Variants in DCLRE1B observed in about 807,000 individuals in gnomAD.
DCLRE1B encodes the protein 5' exonuclease Apollo.
DCLRE1B carries 6 observed loss-of-function variants against 19.8 expected under a neutral mutation model. The ratio of observed to expected loss-of-function variants is 0.30; its 90% CI spans 0.17 to 0.60. The LOEUF (loss-of-function observed/expected upper bound fraction) is 0.60. DCLRE1B is among the 20% of genes least tolerant of loss of function. The pLI is 0.87. For synonymous variants in DCLRE1B, 258 were observed against 255.7 expected (o/e 1.01, Z -0.09); for missense variants, 622 against 654.2 (o/e 0.95, Z 0.54).
At position 113,905,761 on chromosome 1, in the gene DCLRE1B, C is replaced by T. The variant is rs1390723639; in HGVS notation, c.175C>T (p.His59Tyr). Residue 59 changes from histidine (H) to tyrosine (Y), a missense_variant, in exon 1 of 4, where the codon CAT becomes TAT. Physicochemically the swap from His to Tyr is moderately conservative, Grantham distance 83. Transcript: ENST00000650450. ...CTCCCCAATTACAGCCCACCTCTTG[C>T]ATCGTCACCTACAGGTATGGGGCTG... is the stretch of plus-strand genomic sequence containing the variant. ...YCSPITAHLL[H>Y]RHLQVSKQWI... is the part of the protein sequence containing the mutation. The T allele has an allele frequency of 1.2e-6, 2 of 1,613,488 alleles. No individual in the cohort carries two copies. Among genetic ancestry groups the T allele is most frequent in the Non-Finnish European group, 1.7e-6 (2 of 1,179,678 alleles).
intron 2 of DCLRE1B, 41 bp downstream of exon 2, chr1:113,907,202 ATGTTT>A: frequency 2.8e-4 from 56 of 203,142 alleles, no homozygotes; most frequent in African/African-American, 3.1e-4. Flanking sequence ...TCCAGACTAG[ATGTTT>A]TTTTTTTTTT....
Position 113,911,589 on chromosome 1 carries a change from AAACC to A in DCLRE1B, c.1000_1003del (p.Pro334AlafsTer6), listed in dbSNP as rs1159051438. ...GCAATACATGAGTTCTTCCTCTAGA[AAACC>A]AAGCCTTCTCTGGCTGTTAGAAAGG... On this transcript the variant is annotated frameshift_variant, in exon 4 of 4. Coordinates refer to ENST00000650450, the MANE Select transcript of DCLRE1B (RefSeq NM_022836.4). LOFTEE classifies it low-confidence loss of function (END_TRUNC). 6.3e-7 allele frequency: 1 copy of A among 1,597,554 alleles called. No homozygotes were observed. The highest frequency in any genetic ancestry group is 8.5e-7 in the Non-Finnish European group (1 of 1,171,890).
chr1:113,911,841 G>T lies in DCLRE1B; in HGVS notation c.1249G>T (p.Glu417Ter). The change falls in exon 4 of 4, where the codon GAG (glutamate) becomes TAG (stop). Residue 417 changes from glutamate (E) to a stop codon, truncating the protein, a stop_gained. Transcript: ENST00000650450. LOFTEE classifies it low-confidence loss of function (END_TRUNC). Reference protein sequence around the residue: ...KEWNKAVPFCESQKRVTMLTA... With the variant: ...KEWNKAVPFC Reference sequence around the variant, plus strand: ...ATGGAACAAGGCAGTGCCTTTCTGTGAGTCTCAAAAGAGGGTGACTATGTT... The same window carrying T: ...ATGGAACAAGGCAGTGCCTTTCTGTTAGTCTCAAAAGAGGGTGACTATGTT... 6.2e-7 allele frequency: 1 copy of T among 1,614,224 alleles called. No individual in the cohort carries two copies. The highest frequency in any genetic ancestry group is 8.5e-7 in the Non-Finnish European group (1 of 1,180,040).
chr1:113,912,015 G>A lies in DCLRE1B; in HGVS notation c.1423G>A (p.Ala475Thr), dbSNP rs1558110611. The change falls in exon 4 of 4, where the codon GCC becomes ACC. Residue 475 changes from alanine to threonine, a missense_variant. Around this residue, in one of 3 missense-constraint regions of DCLRE1B, gnomAD observed 382 missense variants for 412.5 expected, o/e 0.93. Transcript: ENST00000650450. The stretch of plus-strand genomic sequence containing the variant: ...TCCAGAAGCCACAGGGAATCAGAGT[G>A]CCTGGATGGGCCATGGTTCTCCCCT... ...GGPEATGNQS[A>T]WMGHGSPLSH... 4 of 1,614,200 alleles carry A rather than the reference G, an allele frequency of 2.5e-6. No individual in the cohort carries two copies. Among genetic ancestry groups the A allele is most frequent in the Admixed American group, 1.7e-5 (1 of 60,032 alleles).
Position 113,912,161 on chromosome 1 carries a change from G to A in DCLRE1B, c.1569G>A (p.Gln523=), listed in dbSNP as rs771979104. ...QAGYSSRRFD[Q]QVEKYHKPC Reference sequence around the variant, plus strand: ...GGTATTCTTCCAGGAGATTTGACCAGCAAGTGGAAAAATACCATAAACCCT... The same window carrying A: ...GGTATTCTTCCAGGAGATTTGACCAACAAGTGGAAAAATACCATAAACCCT... The change falls in exon 4 of 4, where the codon CAG becomes CAA. Residue 523 remains glutamine, a synonymous_variant. Transcript: ENST00000650450. 6.2e-7 allele frequency: 1 copy of A among 1,613,608 alleles called. No individual in the cohort carries two copies. Among genetic ancestry groups the A allele is most frequent in the Non-Finnish European group, 8.5e-7 (1 of 1,179,838 alleles).
At chr1:113,907,299 C>T (rs1669070872) in intron 2 of DCLRE1B, 138 bp downstream of exon 2, 1 of 778,422 alleles carries the variant, frequency 1.3e-6, no homozygotes, top group African/African-American at 2.0e-5. Flanking sequence ...CTCAAGCAAT[C>T]CTCCCGCTTC....
At chr1:113,906,211 C>T (rs1668949828) in intron 1 of DCLRE1B, among the ~76,000 whole-genome samples, 1 of 151,818 alleles carries the variant, frequency 6.6e-6, no homozygotes, top group African/African-American at 2.4e-5. Flanking sequence ...CGCACGCCAC[C>T]ACGCCCAGCT....
rs1352620241 is a variant in DCLRE1B, at chr1:113,912,376, CCTT to C, written c.*189_*191del. On this transcript the variant is annotated 3_prime_UTR_variant, in exon 4 of 4. Transcript: ENST00000650450. ...ACTGGGGTCCTCGTGCCTATGGAAT[CCTT>C]CTTTTTATAACTAAGTTTAAGAAAT... 2.7e-5 allele frequency: 14 copies of C among 513,574 alleles called. No individual in the cohort carries two copies. The highest frequency in any genetic ancestry group is 5.1e-4 in the Middle Eastern group (1 of 1,962). The allele number at this position is 513,574 out of a possible 1,614,324, so 31.8% of individuals were successfully genotyped here. A position where few individuals can be genotyped will look rare whatever the true frequency, so the allele number is the denominator to read the frequency against.
Position 113,909,827 on chromosome 1 carries a change from C to A in DCLRE1B, c.539-1304C>A, listed in dbSNP as rs914466979. Among the ~76,000 whole-genome samples the A allele has an allele frequency of 8.7e-4, 132 of 152,128 alleles. 1 individual carries two copies. The highest frequency in any genetic ancestry group is 3.0e-3 in the African/African-American group (124 of 41,512). ...GGCTCACAGTCTGGTAGGGAAGGACCTGTGGGGAGGTGGAAGTGGGAATAT... is the reference window on the plus strand; with the variant it reads ...GGCTCACAGTCTGGTAGGGAAGGACATGTGGGGAGGTGGAAGTGGGAATAT... On this transcript the variant is annotated intron_variant, in intron 3 of 3. Transcript: ENST00000650450.
rs1669097974 is a variant in DCLRE1B at position 113,907,891 on chromosome 1, A to G, written c.356-118A>G. 9 of 1,101,836 alleles carry G rather than the reference A, an allele frequency of 8.2e-6. No homozygotes were observed. In the Admixed American group the frequency reaches 1.4e-4, roughly 18 times the overall value. 68.3% of individuals were successfully genotyped at this position (1,101,836 alleles called of 1,614,324 possible). ...ATACTGCCTAGTTCAGTGCCAGGCTACATAATAGTTTTTTCACAGACTAGT... is the reference window on the plus strand; with the variant it reads ...ATACTGCCTAGTTCAGTGCCAGGCTGCATAATAGTTTTTTCACAGACTAGT... On this transcript the variant is annotated intron_variant, in intron 2 of 3. Coordinates refer to ENST00000650450, the MANE Select transcript of DCLRE1B (RefSeq NM_022836.4).
chr1:113,909,236 T>C (rs1332221355), intron 3 of DCLRE1B, among the ~76,000 whole-genome samples: 1 of 152,222 alleles, frequency 6.6e-6, no homozygotes, highest in East Asian at 1.9e-4. Flanking sequence ...AAGTGAGCGT[T>C]GTGCTTTAAA....
intron 1 of DCLRE1B, 142 bp downstream of exon 1, chr1:113,905,917 G>A (rs1375366279): frequency 1.1e-6 from 1 of 929,524 alleles, no homozygotes; most frequent in Non-Finnish European, 1.6e-6. Flanking sequence ...CTTTAACCCA[G>A]AATAGGAACG....
At position 113,907,265 on chromosome 1, in the gene DCLRE1B, C is replaced by T. The variant is rs142647575; in HGVS notation, c.355+104C>T. ...ATAGACTGGGGCCTCGCAGTGTTGC[C>T]GAGGCTGGTCTCAAACTCCTGACCT... On this transcript the variant is annotated intron_variant, in intron 2 of 3. Transcript: ENST00000650450. 0.025 allele frequency: 26,573 copies of T among 1,067,590 alleles called. 628 individuals carry two copies. Among genetic ancestry groups the T allele is most frequent in the Middle Eastern group, 0.039 (118 of 2,992 alleles). The allele number at this position is 1,067,590 out of a possible 1,614,324, so 66.1% of individuals were successfully genotyped here.
Position 113,913,963 on chromosome 1 carries a change from C to A in DCLRE1B, c.*1772C>A, listed in dbSNP as rs1049704513. ...ACTTATTAGATATTGTTCAAAAATG[C>A]CATTTTTAATATTTGTATAATACCC... On this transcript the variant is annotated 3_prime_UTR_variant, in exon 4 of 4. Transcript: ENST00000650450. The A allele has an allele frequency of 7.9e-5, 12 of 152,040 alleles. No homozygotes were observed. Among genetic ancestry groups the A allele is most frequent in the African/African-American group, 1.9e-4 (8 of 41,406 alleles). 9.4% of individuals were successfully genotyped at this position (152,040 alleles called of 1,614,324 possible). A position where few individuals can be genotyped will look rare whatever the true frequency, so the allele number is the denominator to read the frequency against.
chr1:113,911,093 C>T, intron 3 of DCLRE1B, 38 bp from the exon 4 acceptor site: 18 of 1,524,532 alleles, frequency 1.2e-5, no homozygotes, highest in South Asian at 5.0e-5. Context: ...AATTTTCTTC[C>T]TTCTCTTACT....
At position 113,905,772 on chromosome 1, in the gene DCLRE1B, A is replaced by G. The variant is rs1411115471; in HGVS notation, c.186A>G (p.Leu62=). 6.2e-7 allele frequency: 1 copy of G among 1,612,528 alleles called. No homozygotes were observed. The highest frequency in any genetic ancestry group is 8.5e-7 in the Non-Finnish European group (1 of 1,179,062). ...CAGCCCACCTCTTGCATCGTCACCT[A>G]CAGGTATGGGGCTGGAGTCGGTCTC... ...PITAHLLHRH[L]QVSKQWIQAL... is the part of the protein sequence containing the mutation. The change falls in exon 1 of 4, where the codon CTA becomes CTG. Residue 62 remains leucine (L), a synonymous_variant. Transcript: ENST00000650450.
Position 113,911,907 on chromosome 1 carries a change from G to T in DCLRE1B, c.1315G>T (p.Asp439Tyr). 1 of 1,614,228 alleles carries T rather than the reference G, an allele frequency of 6.2e-7. No individual in the cohort carries two copies. The highest frequency in any genetic ancestry group is 8.5e-7 in the Non-Finnish European group (1 of 1,180,046). ...LGFSVHLRST[D>Y]EEFISQKTRE... ...ATTTTCAGTGCACTTAAGGTCTACA[G>T]ATGAGGAGTTTATTTCTCAAAAAAC... is the stretch of plus-strand genomic sequence containing the variant. Residue 439 changes from aspartate to tyrosine, a missense_variant, in exon 4 of 4, where the codon GAT becomes TAT. Physicochemically the swap from Asp to Tyr is radical, Grantham distance 160. Around this residue, in one of 3 missense-constraint regions of DCLRE1B, gnomAD observed 382 missense variants for 412.5 expected, o/e 0.93. Coordinates refer to ENST00000650450, the MANE Select transcript of DCLRE1B (RefSeq NM_022836.4).
rs1369195833 is a variant in DCLRE1B at position 113,912,850 on chromosome 1, A to G, written c.*659A>G. On this transcript the variant is annotated 3_prime_UTR_variant, in exon 4 of 4. Transcript: ENST00000650450. Reference sequence around the variant, plus strand: ...CCTTCATGAGGATGTGCAGTATCCCAGTATCACTGGGATCCATGTGGAACA... The same window carrying G: ...CCTTCATGAGGATGTGCAGTATCCCGGTATCACTGGGATCCATGTGGAACA... The G allele has an allele frequency of 6.6e-6, 1 of 152,386 alleles. No homozygotes were observed. The highest frequency in any genetic ancestry group is 1.5e-5 in the Non-Finnish European group (1 of 68,084). 9.4% of individuals were successfully genotyped at this position (152,386 alleles called of 1,614,324 possible).
At position 113,908,208 on chromosome 1, in the gene DCLRE1B, C is replaced by T. The variant is rs371162618; in HGVS notation, c.538+17C>T. ...TAAAGATTGGTGAGTTGTTTCCTTT[C>T]AGTTTCCTGTCACCTGTAGATAGTG... On this transcript the variant is annotated intron_variant, in intron 3 of 3. Transcript: ENST00000650450. 80 of 1,608,904 alleles carry T rather than the reference C, an allele frequency of 5.0e-5. No individual in the cohort carries two copies. The highest frequency in any genetic ancestry group is 5.7e-5 in the Non-Finnish European group (67 of 1,177,474).
Sources: gnomAD v4.1 joint callset for allele counts (sites outside exome capture counted in the v4.1 genomes callset) on GRCh38, gnomAD v4.1.1 for gene constraint, gnomAD v4.1.1 regional missense constraint, MANE v1.5 for transcripts, NCBI Gene and HGNC (gene_info 2026-07-23, HGNC 2026-07-21) for gene names.